The following EYS variants were observed in gnomAD, a reference collection of about 807,000 sequenced individuals.
EYS encodes the protein EGF-like photoreceptor maintenance factor, also known as protein eyes shut homolog.
EYS carries 250 observed loss-of-function variants against 282.1 expected under a neutral mutation model. The ratio of observed to expected loss-of-function variants is 0.89; its 90% CI spans 0.80 to 0.98. EYS has a LOEUF of 0.98. Ranked by LOEUF, EYS falls within the 50% of genes least tolerant of loss-of-function variation. The probability of loss-of-function intolerance (pLI) is 0.00; values close to 1 mark genes in which losing one functional copy is unlikely to be tolerated. For missense variants in EYS, 4,016 were observed against 3,709.0 expected, an observed-to-expected ratio of 1.08 and a Z score of -2.15; for synonymous variants, 1,355 against 1,282.9, an observed-to-expected ratio of 1.06 and a Z score of -1.20.
At chr6:65,444,706 G>A (rs1768585454) in intron 5 of EYS, among the ~76,000 whole-genome samples, 1 of 152,036 alleles carries the variant, frequency 6.6e-6, no homozygotes, top group Non-Finnish European at 1.5e-5. Context: ...TTCTAGCCAA[G>A]ATTAACATTT....
At chr6:64,846,803 T>G (rs1765729943) in intron 19 of EYS, among the ~76,000 whole-genome samples, 1 of 152,138 alleles carries the variant, frequency 6.6e-6, no homozygotes, top group South Asian at 2.1e-4. Context: ...TATATGCAAC[T>G]ATTATGAAAT....
chr6:64,340,863 C>A (rs1003487612), intron 29 of EYS, among the ~76,000 whole-genome samples: 1 of 151,458 alleles, frequency 6.6e-6, no homozygotes, highest in Non-Finnish European at 1.5e-5. Flanking sequence ...TTAAAGAAAT[C>A]AACAAGCAAT....
At chr6:65,026,569 G>A (rs183619770) in intron 13 of EYS, among the ~76,000 whole-genome samples, 1 of 152,202 alleles carries the variant, frequency 6.6e-6, no homozygotes, top group Admixed American at 6.6e-5. Flanking sequence ...CATTAGGAGA[G>A]CACAGTCCAA....
chr6:64,585,023 G>A (rs1049638827), intron 26 of EYS, among the ~76,000 whole-genome samples: 17 of 152,158 alleles, frequency 1.1e-4, no homozygotes, highest in African/African-American at 4.1e-4. Context: ...ACATACATTT[G>A]CATGTTCATT....
chr6:64,720,267 C>T (rs9354068), intron 22 of EYS, among the ~76,000 whole-genome samples: 134,740 of 152,142 alleles, frequency 0.89, 60,049 homozygotes, highest in Middle Eastern at 0.95. Flanking sequence ...CTTCCTTCAT[C>T]ACATCTCCTT....
intron 12 of EYS, among the ~76,000 whole-genome samples, chr6:65,073,167 A>G (rs927490407): frequency 2.0e-5 from 3 of 151,836 alleles, no homozygotes; most frequent in African/African-American, 7.2e-5. Flanking sequence ...TAGCAGATAA[A>G]AAACAGCAAT....
At chr6:64,844,207 T>TA (rs144270257) in intron 19 of EYS, among the ~76,000 whole-genome samples, 2,301 of 152,232 alleles carry the variant, frequency 0.015, 58 homozygotes, top group African/African-American at 0.053. Flanking sequence ...CATCTCTCCA[T>TA]ATTAAGTGAG....
intron 22 of EYS, among the ~76,000 whole-genome samples, chr6:64,707,350 G>T (rs1187805517): frequency 6.6e-5 from 10 of 152,116 alleles, no homozygotes; most frequent in Admixed American, 5.2e-4. Flanking sequence ...GGGGGAAAGG[G>T]AGGCAATAGG....
At chr6:65,269,759 T>C (rs879088759) in intron 12 of EYS, among the ~76,000 whole-genome samples, 2 of 152,134 alleles carry the variant, frequency 1.3e-5, no homozygotes, top group Non-Finnish European at 1.5e-5. Flanking sequence ...TTCTCGTGCA[T>C]CTTCACATGG....
At chr6:64,095,848 C>A (rs1375885644) in intron 31 of EYS, among the ~76,000 whole-genome samples, 2 of 152,104 alleles carry the variant, frequency 1.3e-5, no homozygotes, top group Non-Finnish European at 2.9e-5. Context: ...TCTTCCTAGC[C>A]TCGATGGTCT....
chr6:65,596,234 C>T (rs559595162), intron 2 of EYS, among the ~76,000 whole-genome samples: 2 of 152,150 alleles, frequency 1.3e-5, no homozygotes, highest in South Asian at 2.1e-4. Flanking sequence ...CCTTAGAGAC[C>T]TTGAGCCAGA....
chr6:65,050,663 ACTGGAGCATTTAATTACAG>A (rs1370265905), intron 13 of EYS, among the ~76,000 whole-genome samples: 1 of 151,652 alleles, frequency 6.6e-6, no homozygotes, highest in Non-Finnish European at 1.5e-5. Flanking sequence ...GATTGAGTAG[ACTGGAGCATTTAATTACAG>A]CATCTGTAGA....
intron 41 of EYS, among the ~76,000 whole-genome samples, chr6:63,731,541 C>T (rs1768780859): frequency 6.6e-6 from 1 of 152,032 alleles, no homozygotes; most frequent in Non-Finnish European, 1.5e-5. Context: ...TTACAATTTA[C>T]TTGTTTTGTC....
intron 22 of EYS, among the ~76,000 whole-genome samples, chr6:64,738,950 G>T (rs1172351739): frequency 4.6e-5 from 7 of 152,110 alleles, no homozygotes; most frequent in Non-Finnish European, 8.8e-5. Context: ...TTTTAACCAT[G>T]TTGGCCAGGC....
At chr6:64,416,521 T>C (rs956518581) in intron 28 of EYS, among the ~76,000 whole-genome samples, 3 of 151,658 alleles carry the variant, frequency 2.0e-5, no homozygotes, top group Non-Finnish European at 2.9e-5. Flanking sequence ...GTTAGGTCTT[T>C]TTTTTTTTTT....
At chr6:65,124,249 A>C (rs1775653580) in intron 12 of EYS, among the ~76,000 whole-genome samples, 1 of 152,192 alleles carries the variant, frequency 6.6e-6, no homozygotes, top group Non-Finnish European at 1.5e-5. Context: ...GACCTCCTAC[A>C]CATGGATACA....
intron 32 of EYS, among the ~76,000 whole-genome samples, chr6:64,072,898 T>G (rs568079795): frequency 6.6e-6 from 1 of 152,056 alleles, no homozygotes; most frequent in Non-Finnish European, 1.5e-5. Flanking sequence ...TTGTGCCATA[T>G]GTACAAGGTT....
chr6:65,348,638 A>G (rs1442410518), intron 9 of EYS, among the ~76,000 whole-genome samples: 6 of 151,558 alleles, frequency 4.0e-5, no homozygotes, highest in African/African-American at 1.5e-4. Flanking sequence ...TGTCAGACAG[A>G]TAGTTTGCAA....
In EYS at chr6:64,591,866, G is replaced by A; in HGVS notation, c.4001C>T (p.Ser1334Leu). The A allele has an allele frequency of 6.4e-7, 1 of 1,551,216 alleles. No homozygotes were observed. Among genetic ancestry groups the A allele is most frequent in the Non-Finnish European group, 8.7e-7 (1 of 1,146,664 alleles). ...GGAAGAAAGAAGACTGTGTTTTGCT[G>A]AAAGCTCTCTAGTGACAATCAGTTC... ...LQELIVTRELSAKHSLLSSAD... is the reference protein window; with the variant it reads ...LQELIVTRELLAKHSLLSSAD... Residue 1334 changes from serine to leucine, a missense_variant, in exon 26 of 43, where the codon TCA becomes TTA. Physicochemically the swap from Ser to Leu is moderately radical, Grantham distance 145 (BLOSUM62 -2). Transcript: ENST00000503581.
Sources: allele counts gnomAD v4.1 joint callset (sites outside exome capture counted in the v4.1 genomes callset), GRCh38; gene constraint gnomAD v4.1.1; transcripts MANE v1.5; gene names NCBI Gene and HGNC (gene_info 2026-07-23, HGNC 2026-07-21).